CYRIB: variants seen among roughly 807,000 people sequenced by gnomAD.
CYRIB encodes the protein CYFIP-related Rac1 interactor B.
A neutral mutation model predicts 44.2 loss-of-function variants in CYRIB; 8 were observed. The observed-to-expected ratio is 0.18, with a 90% CI of 0.11 to 0.33. The LOEUF is 0.33. Among genes scored for constraint, CYRIB ranks in the 10% least tolerant of loss-of-function variants. The pLI, the probability that CYRIB is intolerant of heterozygous loss-of-function variation, is 1.00. For missense variants in CYRIB, 185 were observed against 382.8 expected, an observed-to-expected ratio of 0.48 and a Z score of 4.31; for synonymous variants, 131 against 127.2, an observed-to-expected ratio of 1.03 and a Z score of -0.20.
At chr8:129,854,900 C>T (rs571542072) in intron 6 of CYRIB, among the ~76,000 whole-genome samples, 1 of 152,184 alleles carries the variant, frequency 6.6e-6, no homozygotes, top group Admixed American at 6.5e-5. Flanking sequence ...TATTCCTTTA[C>T]ATTCATTCTT....
intron 1 of CYRIB, among the ~76,000 whole-genome samples, chr8:130,014,530 G>C (rs562614415): frequency 1.3e-5 from 2 of 152,294 alleles, no homozygotes; most frequent in Non-Finnish European, 1.5e-5. Context: ...TAGCACTTAC[G>C]GGGGTCGGGA....
chr8:129,862,284 T>C, exon 5 of CYRIB: 1 of 1,613,910 alleles, frequency 6.2e-7, no homozygotes, highest in Non-Finnish European at 8.5e-7. Context: ...GTGGAACAAC[T>C]GCACCCCATG....
At chr8:129,878,244 A>T (rs2059807962) in intron 3 of CYRIB, among the ~76,000 whole-genome samples, 1 of 152,230 alleles carries the variant, frequency 6.6e-6, no homozygotes, top group Non-Finnish European at 1.5e-5. Flanking sequence ...CCTTTATAGA[A>T]ATGGAATAAA....
At chr8:129,895,338 C>T (rs868374671) in intron 2 of CYRIB, among the ~76,000 whole-genome samples, 2 of 151,196 alleles carry the variant, frequency 1.3e-5, no homozygotes, top group Middle Eastern at 3.4e-3. Context: ...CCTTTTAATG[C>T]TTATATACAA....
At chr8:129,888,253 A>G (rs138844624) in intron 2 of CYRIB, among the ~76,000 whole-genome samples, 3,697 of 152,196 alleles carry the variant, frequency 0.024, 66 homozygotes, top group Middle Eastern at 0.048. Flanking sequence ...TGGCCATGTA[A>G]GACGTGCCAC....
At chr8:129,877,667 T>TGTGG (rs1209248224) in intron 3 of CYRIB, among the ~76,000 whole-genome samples, 4 of 83,056 alleles carry the variant, frequency 4.8e-5, no homozygotes, top group African/African-American at 1.4e-4. Flanking sequence ...AAAAAAGGTG[T>TGTGG]GTGTGTGTGT....
intron 2 of CYRIB, among the ~76,000 whole-genome samples, chr8:129,897,186 C>T (rs889231799): frequency 3.3e-5 from 5 of 152,132 alleles, no homozygotes; most frequent in Admixed American, 3.3e-4. Context: ...ACTATTTAAC[C>T]TTAGTATGAA....
intron 1 of CYRIB, among the ~76,000 whole-genome samples, chr8:129,998,504 A>G (rs576134435): frequency 5.3e-5 from 8 of 152,350 alleles, no homozygotes; most frequent in Non-Finnish European, 1.0e-4. Flanking sequence ...CAATAATGGG[A>G]CAGGAACCAG....
At chr8:129,921,486 C>T (rs188772456) in intron 1 of CYRIB, among the ~76,000 whole-genome samples, 64 of 152,310 alleles carry the variant, frequency 4.2e-4, no homozygotes, top group Non-Finnish European at 8.4e-4. Flanking sequence ...TACAAGGTCT[C>T]ACTCTCTCGC....
At chr8:129,872,105 C>T (rs2057483649) in intron 3 of CYRIB, among the ~76,000 whole-genome samples, 1 of 152,074 alleles carries the variant, frequency 6.6e-6, no homozygotes. Flanking sequence ...TATCTAACAA[C>T]AAACCCAAGA....
intron 1 of CYRIB, among the ~76,000 whole-genome samples, chr8:129,987,585 T>A (rs1296148501): frequency 4.0e-5 from 5 of 125,988 alleles, no homozygotes; most frequent in Non-Finnish European, 6.4e-5. Context: ...TTTTTTTTTT[T>A]ATGAGACTGA....
At chr8:129,868,656 T>C (rs1029267377) in intron 4 of CYRIB, 25 of 152,094 alleles carry the variant, frequency 1.6e-4, no homozygotes, top group African/African-American at 6.0e-4. Flanking sequence ...ACTTCAATCT[T>C]TGGTCATAGC....
intron 10 of CYRIB, among the ~76,000 whole-genome samples, chr8:129,847,636 G>A (rs2040860950): frequency 6.6e-6 from 1 of 152,172 alleles, no homozygotes; most frequent in African/African-American, 2.4e-5. Context: ...TGAGTTATAC[G>A]AAGTGTTATG....
chr8:129,932,731 G>C (rs542472696), intron 1 of CYRIB, among the ~76,000 whole-genome samples: 8 of 152,260 alleles, frequency 5.3e-5, no homozygotes, highest in South Asian at 4.1e-4. Flanking sequence ...TGGGGAAAGA[G>C]GATGGGATGC....
At chr8:129,915,739 C>T (rs144558756) in intron 1 of CYRIB, among the ~76,000 whole-genome samples, 32 of 152,270 alleles carry the variant, frequency 2.1e-4, no homozygotes, top group African/African-American at 6.7e-4. Context: ...AATGTGGATT[C>T]TCAGGCTTGC....
intron 5 of CYRIB, among the ~76,000 whole-genome samples, chr8:129,856,731 C>T (rs1203965438): frequency 6.6e-6 from 1 of 152,132 alleles, no homozygotes; most frequent in African/African-American, 2.4e-5. Flanking sequence ...ATATAGTCTC[C>T]CATTTGATTT....
chr8:129,986,026 C>T (rs563418583), intron 1 of CYRIB, among the ~76,000 whole-genome samples: 121 of 152,298 alleles, frequency 7.9e-4, no homozygotes, highest in Middle Eastern at 3.4e-3. Context: ...TCCCCCAGCA[C>T]TCCCAGACCT....
chr8:129,987,618 G>A (rs867653481), intron 1 of CYRIB, among the ~76,000 whole-genome samples: 1 of 146,706 alleles, frequency 6.8e-6, no homozygotes. Flanking sequence ...CGCCCAGGCT[G>A]GAGGGCAGTG....
At chr8:129,874,372 G>C (rs2058424274) in intron 3 of CYRIB, among the ~76,000 whole-genome samples, 1 of 151,984 alleles carries the variant, frequency 6.6e-6, no homozygotes, top group Non-Finnish European at 1.5e-5. Flanking sequence ...GGTAGAAAAA[G>C]AGTCAATATA....
Sources: allele counts gnomAD v4.1 joint callset (sites outside exome capture counted in the v4.1 genomes callset), GRCh38; gene constraint gnomAD v4.1.1; transcripts MANE v1.5; gene names NCBI Gene and HGNC (gene_info 2026-07-23, HGNC 2026-07-21).